HS3ST4: variants seen among roughly 807,000 people sequenced by gnomAD.
HS3ST4 encodes heparan sulfate-glucosamine 3-sulfotransferase 4.
Under a neutral mutation model 29.2 loss-of-function variants are expected in HS3ST4, and 17 were observed. The ratio of observed to expected loss-of-function variants is 0.58; its 90% CI spans 0.40 to 0.87. The LOEUF (loss-of-function observed/expected upper bound fraction) is 0.87. Among genes scored for constraint, HS3ST4 ranks in the 40% least tolerant of loss-of-function variants. The pLI is 0.00. For synonymous variants in HS3ST4, 314 were observed against 285.7 expected (o/e 1.10, Z -1.00); for missense variants, 627 against 634.5 (o/e 0.99, Z 0.13).
intron 1 of HS3ST4, among the ~76,000 whole-genome samples, chr16:25,993,496 G>A (rs1969130969): frequency 6.6e-6 from 1 of 152,020 alleles, no homozygotes; most frequent in African/African-American, 2.4e-5. Flanking sequence ...AGGTGTAGGG[G>A]AAAGCAGGTA....
chr16:25,696,910 T>C (rs767065665), intron 1 of HS3ST4, among the ~76,000 whole-genome samples: 9 of 152,222 alleles, frequency 5.9e-5, no homozygotes, highest in Non-Finnish European at 1.2e-4. Flanking sequence ...ATTTTGATGA[T>C]ATGCTGAGAT....
At chr16:26,101,180 G>T (rs913434455) in intron 1 of HS3ST4, among the ~76,000 whole-genome samples, 3 of 151,928 alleles carry the variant, frequency 2.0e-5, no homozygotes, top group Admixed American at 6.6e-5. Context: ...TCTGGCTTCT[G>T]CTCTCAACCC....
At chr16:25,996,774 A>G (rs936742293) in intron 1 of HS3ST4, among the ~76,000 whole-genome samples, 2 of 152,190 alleles carry the variant, frequency 1.3e-5, no homozygotes, top group African/African-American at 4.8e-5. Context: ...ATTATTTTAT[A>G]AAATTAACAA....
intron 1 of HS3ST4, among the ~76,000 whole-genome samples, chr16:25,962,631 C>T (rs1204238703): frequency 6.6e-6 from 1 of 152,196 alleles, no homozygotes; most frequent in African/African-American, 2.4e-5. Flanking sequence ...GATCCAGCCC[C>T]TTCATCATTT....
intron 1 of HS3ST4, among the ~76,000 whole-genome samples, chr16:25,786,922 A>C (rs192657873): frequency 1.9e-4 from 29 of 152,370 alleles, no homozygotes; most frequent in Admixed American, 1.9e-3. Context: ...TTTTATGAAC[A>C]GCAGATTCTC....
intron 1 of HS3ST4, among the ~76,000 whole-genome samples, chr16:26,049,753 C>T (rs73516316): frequency 0.13 from 19,072 of 152,114 alleles, 3,219 homozygotes; most frequent in African/African-American, 0.38. Flanking sequence ...TGCCTCTAAC[C>T]GGTTGGCTAC....
At chr16:25,703,298 G>C (rs140906016) in intron 1 of HS3ST4, among the ~76,000 whole-genome samples, 1 of 152,164 alleles carries the variant, frequency 6.6e-6, no homozygotes, top group African/African-American at 2.4e-5. Context: ...ATGGAGGTTC[G>C]AATCTGATGG....
At chr16:26,126,530 C>T (rs886834991) in intron 1 of HS3ST4, among the ~76,000 whole-genome samples, 1 of 152,154 alleles carries the variant, frequency 6.6e-6, no homozygotes, top group Non-Finnish European at 1.5e-5. Flanking sequence ...CAGAGACAGG[C>T]TAAGTAACTT....
intron 1 of HS3ST4, among the ~76,000 whole-genome samples, chr16:25,764,472 T>C (rs1213931036): frequency 6.6e-6 from 1 of 152,202 alleles, no homozygotes; most frequent in Admixed American, 6.5e-5. Flanking sequence ...TGTACATGTG[T>C]GTGTGCCTGC....
intron 1 of HS3ST4, among the ~76,000 whole-genome samples, chr16:26,027,162 G>C (rs980852001): frequency 6.6e-6 from 1 of 152,080 alleles, no homozygotes; most frequent in Non-Finnish European, 1.5e-5. Context: ...AAAAACAAAA[G>C]TAAAACTCTG....
intron 1 of HS3ST4, among the ~76,000 whole-genome samples, chr16:25,929,765 C>T (rs1038369339): frequency 2.6e-5 from 4 of 152,102 alleles, no homozygotes; most frequent in African/African-American, 7.2e-5. Flanking sequence ...AAGGCAAAAA[C>T]GTGATTCTTT....
rs562940150 is a variant in HS3ST4 at position 25,972,822 on chromosome 16, G to C, written c.735-162790G>C. 2.6e-5 allele frequency among the ~76,000 whole-genome samples: 4 copies of C among 152,364 alleles called. No homozygotes were observed. In the East Asian group the frequency reaches 7.7e-4, roughly 29 times the overall value. Reference sequence around the variant, plus strand: ...ATCAGTGCTGCCAGCCACAGTGGCTGTGAGGATCAAATGAGTTCTGTATGG... The same window carrying C: ...ATCAGTGCTGCCAGCCACAGTGGCTCTGAGGATCAAATGAGTTCTGTATGG... On this transcript the variant is annotated intron_variant, in intron 1 of 1. Transcript: ENST00000331351.
chr16:26,128,238 C>A (rs1202937859), intron 1 of HS3ST4, among the ~76,000 whole-genome samples: 1 of 152,164 alleles, frequency 6.6e-6, no homozygotes, highest in Non-Finnish European at 1.5e-5. Context: ...GATATACAGA[C>A]CTTTCCTCCA....
At chr16:25,977,219 C>T (rs1315008865) in intron 1 of HS3ST4, among the ~76,000 whole-genome samples, 1 of 152,118 alleles carries the variant, frequency 6.6e-6, no homozygotes, top group Admixed American at 6.5e-5. Context: ...TTTGCATGCT[C>T]GCTGGAGCAT....
chr16:25,769,485 C>G (rs559297548), intron 1 of HS3ST4, among the ~76,000 whole-genome samples: 1 of 152,108 alleles, frequency 6.6e-6, no homozygotes, highest in East Asian at 1.9e-4. Context: ...GGCATTTTAC[C>G]TGTTGTTTGC....
At chr16:25,718,487 G>A (rs1966472717) in intron 1 of HS3ST4, among the ~76,000 whole-genome samples, 1 of 142,398 alleles carries the variant, frequency 7.0e-6, no homozygotes, top group Non-Finnish European at 1.5e-5. Flanking sequence ...GGTAGATAGA[G>A]GTAAGCAGAA....
In HS3ST4 at chr16:25,808,437, G is replaced by A. The variant is rs1967009847; in HGVS notation, c.734+115286G>A. Among the ~76,000 whole-genome samples the A allele has an allele frequency of 2.6e-5, 4 of 152,096 alleles. No homozygotes were observed. The South Asian group carries it at 6.2e-4, about 24-fold the overall frequency. On this transcript the variant is annotated intron_variant, in intron 1 of 1. Coordinates refer to ENST00000331351, the MANE Select transcript of HS3ST4 (RefSeq NM_006040.3). The stretch of plus-strand genomic sequence containing the variant: ...ATACTTTTGTCAAAAATTTGTGTGG[G>A]TGTATTTCTAGCTTATGTTTTCTCT...
At position 26,086,192 on chromosome 16, in the gene HS3ST4, C is replaced by T. The variant is rs569661243; in HGVS notation, c.735-49420C>T. On this transcript the variant is annotated intron_variant, in intron 1 of 1. Transcript: ENST00000331351. ...CTCCATTGCTCTATTTATGATCACT[C>T]GCCCTCTAGCCCTCTTGTTCTTTTT... 5.3e-5 allele frequency among the ~76,000 whole-genome samples: 8 copies of T among 152,200 alleles called. No homozygotes were observed. In the South Asian group the frequency reaches 8.3e-4, roughly 16 times the overall value.
intron 1 of HS3ST4, among the ~76,000 whole-genome samples, chr16:26,112,940 C>T (rs1045308756): frequency 5.3e-5 from 8 of 152,086 alleles, no homozygotes; most frequent in Non-Finnish European, 1.0e-4. Flanking sequence ...TTCCATTGCT[C>T]GGAACATACC....
Sources: gnomAD v4.1 joint callset for allele counts (sites outside exome capture counted in the v4.1 genomes callset) on GRCh38, gnomAD v4.1.1 for gene constraint, MANE v1.5 for transcripts, NCBI Gene and HGNC (gene_info 2026-07-23, HGNC 2026-07-21) for gene names.